ACVRL1: variants seen among roughly 807,000 people sequenced by gnomAD.
The protein encoded by ACVRL1 is activin A receptor like type 1.
ACVRL1 carries 20 observed loss-of-function variants against 51.9 expected under a neutral mutation model. That is an observed-to-expected ratio of 0.39 (90% CI 0.27 to 0.56). The LOEUF (loss-of-function observed/expected upper bound fraction) is 0.56. ACVRL1 is among the 20% of genes least tolerant of loss of function. ACVRL1 has a pLI of 0.67. For synonymous variants in ACVRL1, 288 were observed against 280.9 expected (o/e 1.03, Z -0.25); for missense variants, 451 against 670.3 (o/e 0.67, Z 3.61).
chr12:51,914,410 T>A, intron 5 of ACVRL1, 29 bp from the exon 6 acceptor site: 1 of 1,614,030 alleles, frequency 6.2e-7, no homozygotes. Flanking sequence ...GCCCAGTGTG[T>A]AACCCTCACC....
chr12:51,908,800 T>C (rs1021737375), intron 1 of ACVRL1, among the ~76,000 whole-genome samples: 3 of 152,204 alleles, frequency 2.0e-5, no homozygotes. Flanking sequence ...AAGTAACGTC[T>C]CAAATTTCAT....
intron 1 of ACVRL1, among the ~76,000 whole-genome samples, chr12:51,911,017 T>A (rs1438696493): frequency 6.6e-6 from 1 of 152,216 alleles, no homozygotes; most frequent in Admixed American, 6.5e-5. Context: ...TCTTAGACTA[T>A]GGGCTTTCTG....
chr12:51,914,139 G>C, intron 5 of ACVRL1, 66 bp downstream of exon 5: 1 of 1,540,912 alleles, frequency 6.5e-7, no homozygotes, highest in Non-Finnish European at 8.9e-7. Flanking sequence ...GGGTGAGGGA[G>C]TTTTTGGCTA....
chr12:51,920,942 G>GGGGGGGGGGGC lies in ACVRL1; in HGVS notation c.*52_*53insGGGGGGGCGGG. 4 of 629,042 alleles carry GGGGGGGGGGGC rather than the reference G, an allele frequency of 6.4e-6. No homozygotes were observed. Among genetic ancestry groups the GGGGGGGGGGGC allele is most frequent in the Non-Finnish European group, 1.2e-5 (4 of 341,658 alleles). 39.0% of individuals were successfully genotyped at this position (629,042 alleles called of 1,614,324 possible). On this transcript the variant is annotated 3_prime_UTR_variant, in exon 10 of 10. Transcript: ENST00000388922. ...TGCCTGCAGGGGGCTGGGGGGGTGG[G>GGGGGGGGGGGC]GGGCAGTGGATGGTGCCCTATCTGG...
At chr12:51,920,619 TC>T (rs891602504) in intron 9 of ACVRL1, 139 bp from the exon 10 acceptor site, 1 of 903,624 alleles carries the variant, frequency 1.1e-6, no homozygotes, top group African/African-American at 1.6e-5. Context: ...TGCTTATGTC[TC>T]CCCATTACCG....
At position 51,915,486 on chromosome 12, in the gene ACVRL1, G is replaced by C; in HGVS notation, c.1034G>C (p.Cys345Ser). The part of the protein sequence containing the change: ...NVLVKSNLQC[C>S]IADLGLAVMH... ...CTGGTCAAGAGCAACCTGCAGTGTTGCATCGCCGACCTGGGTGAGCCGGGC... is the reference window on the plus strand; with the variant it reads ...CTGGTCAAGAGCAACCTGCAGTGTTCCATCGCCGACCTGGGTGAGCCGGGC... Residue 345 changes from cysteine to serine, a missense_variant, in exon 7 of 10, where the codon TGC (cysteine) becomes TCC (serine). Cys to Ser is a moderately radical substitution (Grantham distance 112). Around this residue, in one of 2 missense-constraint regions of ACVRL1, gnomAD observed 259 missense variants for 453.4 expected, o/e 0.57. Transcript: ENST00000388922. 6.2e-7 allele frequency: 1 copy of C among 1,607,878 alleles called. No individual in the cohort carries two copies. Among genetic ancestry groups the C allele is most frequent in the Non-Finnish European group, 8.5e-7 (1 of 1,176,482 alleles).
rs767310126 is a variant in ACVRL1, at chr12:51,913,629, C to T, written c.384C>T (p.Ala128=). The change falls in exon 4 of 10, where the codon GCC becomes GCT. Residue 128 remains alanine, a synonymous_variant. Transcript: ENST00000388922. ...CCCTGATCCTGGGCCCCGTGCTGGC[C>T]TTGCTGGCCCTGGTGGCCCTGGGTG... ...QLALILGPVL[A]LLALVALGVL... is the part of the protein sequence containing the mutation. The T allele has an allele frequency of 6.2e-6, 10 of 1,604,786 alleles. No homozygotes were observed. The South Asian group carries it at 9.9e-5, about 16-fold the overall frequency.
intron 8 of ACVRL1, among the ~76,000 whole-genome samples, chr12:51,918,485 G>A (rs1012482266): frequency 7.2e-5 from 11 of 152,210 alleles, no homozygotes; most frequent in Non-Finnish European, 1.5e-4. Flanking sequence ...GGCATACAGT[G>A]CTCAGTAAAC....
chr12:51,912,596 C>T, intron 2 of ACVRL1, 61 bp downstream of exon 2: 1 of 1,416,500 alleles, frequency 7.1e-7, no homozygotes, highest in South Asian at 1.2e-5. Context: ...CTATCTGGGC[C>T]CAGATCAGCT....
intron 6 of ACVRL1, 98 bp from the exon 7 acceptor site, chr12:51,915,127 G>T: frequency 7.4e-7 from 1 of 1,342,936 alleles, no homozygotes. Flanking sequence ...CAGTGACCCA[G>T]TCCATTCCCT....
chr12:51,915,994 G>T (rs1191655062), intron 7 of ACVRL1, 42 bp from the exon 8 acceptor site: 2 of 1,594,238 alleles, frequency 1.3e-6, no homozygotes, highest in South Asian at 2.2e-5. Flanking sequence ...CTGGATCCCA[G>T]GTTTGGGAGA....
At chr12:51,912,209 AGCT>A in intron 1 of ACVRL1, 1 of 610,828 alleles carries the variant, frequency 1.6e-6, no homozygotes, top group South Asian at 2.0e-5. Context: ...AGGAGTGCAG[AGCT>A]AGGGTTTCCC....
Position 51,912,455 on chromosome 12 carries a change from TGCTCC to T in ACVRL1, c.-5-14_-5-10del. ...TTCATGGCTCTTACTCCACCTCTCTTGCTCCTCTCTGCAGGGACCATGACCTTGGG... is the reference window on the plus strand; with the variant it reads ...TTCATGGCTCTTACTCCACCTCTCTTTCTCTGCAGGGACCATGACCTTGGG... On this transcript the variant is annotated splice_polypyrimidine_tract_variant and intron_variant, in intron 1 of 9. Coordinates refer to ENST00000388922, the MANE Select transcript of ACVRL1 (RefSeq NM_000020.3). 5.0e-6 allele frequency: 8 copies of T among 1,614,002 alleles called. No individual in the cohort carries two copies. The highest frequency in any genetic ancestry group is 6.8e-6 in the Non-Finnish European group (8 of 1,179,866).
chr12:51,920,942 G>GGGGGGGGGGGGGGGGGGGC lies in ACVRL1; in HGVS notation c.*52_*53insGGGGGGGGGGGGGGGCGGG. 1.6e-6 allele frequency: 1 copy of GGGGGGGGGGGGGGGGGGGC among 629,040 alleles called. No homozygotes were observed. Among genetic ancestry groups the GGGGGGGGGGGGGGGGGGGC allele is most frequent in the Non-Finnish European group, 2.9e-6 (1 of 341,656 alleles). The allele number at this position is 629,040 out of a possible 1,614,324, so 39.0% of individuals were successfully genotyped here. A position where few individuals can be genotyped will look rare whatever the true frequency, so the allele number is the denominator to read the frequency against. On this transcript the variant is annotated 3_prime_UTR_variant, in exon 10 of 10. Coordinates refer to ENST00000388922, the MANE Select transcript of ACVRL1 (RefSeq NM_000020.3). ...TGCCTGCAGGGGGCTGGGGGGGTGGGGGGCAGTGGATGGTGCCCTATCTGG... is the reference window on the plus strand; with the variant it reads ...TGCCTGCAGGGGGCTGGGGGGGTGGGGGGGGGGGGGGGGGGGGGCGGGCAGTGGATGGTGCCCTATCTGG...
At chr12:51,912,448 C>T (rs752706507) in intron 1 of ACVRL1, 22 bp from the exon 2 acceptor site, 6 of 1,613,664 alleles carry the variant, frequency 3.7e-6, no homozygotes, top group East Asian at 4.5e-5. Flanking sequence ...TCTTACTCCA[C>T]CTCTCTTGCT....
intron 9 of ACVRL1, chr12:51,919,382 T>A: frequency 2.0e-6 from 1 of 489,938 alleles, no homozygotes; most frequent in Non-Finnish European, 3.7e-6. Flanking sequence ...TGTGTGTGTG[T>A]GTGTGTGTGT....
At chr12:51,919,979 A>G (rs1211367935) in intron 9 of ACVRL1, among the ~76,000 whole-genome samples, 4 of 152,224 alleles carry the variant, frequency 2.6e-5, no homozygotes, top group Admixed American at 1.3e-4. Context: ...TATTTACTGA[A>G]AGAATGAATA....
rs199652672 is a variant in ACVRL1, at chr12:51,913,164, G to C, written c.127G>C (p.Gly43Arg). The change falls in exon 3 of 10, where the codon GGG (glycine) becomes CGG (arginine). Residue 43 changes from glycine to arginine, a missense_variant. By Grantham distance (125) the Gly-to-Arg change is moderately radical. Around this residue, in one of 2 missense-constraint regions of ACVRL1, gnomAD observed 192 missense variants for 216.9 expected, o/e 0.89. Transcript: ENST00000388922. ...CACGTGTGAGAGCCCACATTGCAAG[G>C]GGCCTACCTGCCGGGGGGCCTGGTG... ...TCTCESPHCK[G>R]PTCRGAWCTV... 6.2e-7 allele frequency: 1 copy of C among 1,603,934 alleles called. No homozygotes were observed. The highest frequency in any genetic ancestry group is 1.1e-5 in the South Asian group (1 of 89,486).
Position 51,919,118 on chromosome 12 carries a change from G to A in ACVRL1, c.1377+3G>A. On this transcript the variant is annotated splice_donor_region_variant and intron_variant, in intron 9 of 9. Coordinates refer to ENST00000388922, the MANE Select transcript of ACVRL1 (RefSeq NM_000020.3). ...CTAACCGGCTGGCTGCAGACCCGGT[G>A]AGGCCTCTGCTGGGACTAGGATGGC... 3 of 1,614,154 alleles carry A rather than the reference G, an allele frequency of 1.9e-6. No individual in the cohort carries two copies. Among genetic ancestry groups the A allele is most frequent in the Non-Finnish European group, 1.7e-6 (2 of 1,180,010 alleles).
Sources: gnomAD v4.1 joint callset for allele counts (sites outside exome capture counted in the v4.1 genomes callset) on GRCh38, gnomAD v4.1.1 for gene constraint, gnomAD v4.1.1 regional missense constraint, MANE v1.5 for transcripts, NCBI Gene and HGNC (gene_info 2026-07-23, HGNC 2026-07-21) for gene names.